IGSF10: variants seen among roughly 807,000 people sequenced by gnomAD.
IGSF10 encodes the protein immunoglobulin superfamily member 10, also known as calvaria mechanical force protein 608.
IGSF10 carries 126 observed loss-of-function variants against 128.2 expected under a neutral mutation model. That is an observed-to-expected ratio of 0.98 (90% CI 0.85 to 1.14). The LOEUF (loss-of-function observed/expected upper bound fraction) is 1.14, where lower values mean the gene tolerates loss of function less well. Ranked by LOEUF, IGSF10 falls within the 50% of genes most tolerant of loss-of-function variation. The pLI, the probability that IGSF10 is intolerant of heterozygous loss-of-function variation, is 0.00. For missense variants in IGSF10, 3,295 were observed against 3,149.8 expected (o/e 1.05, Z -1.10); for synonymous variants, 1,185 against 1,146.2 (o/e 1.03, Z -0.68).
chr3:151,521,671 A>C, the IGSF10 span, among the ~76,000 whole-genome samples: 9 of 152,200 alleles, frequency 5.9e-5, no homozygotes, highest in Admixed American at 3.9e-4. Flanking sequence ...AATAAGAACA[A>C]AGATACAACA....
At chr3:151,546,451 G>T in the IGSF10 span, among the ~76,000 whole-genome samples, 1 of 151,882 alleles carries the variant, frequency 6.6e-6, no homozygotes, top group Non-Finnish European at 1.5e-5. Flanking sequence ...GGGCTCAAGC[G>T]ATCCTCCCAC....
At chr3:151,570,128 C>A in the IGSF10 span, among the ~76,000 whole-genome samples, 1 of 152,172 alleles carries the variant, frequency 6.6e-6, no homozygotes, top group Non-Finnish European at 1.5e-5. Flanking sequence ...TTAATCCAGT[C>A]TATCATTGTT....
At chr3:151,526,936 G>A in the IGSF10 span, among the ~76,000 whole-genome samples, 1 of 152,156 alleles carries the variant, frequency 6.6e-6, no homozygotes. Context: ...GTACATATGT[G>A]AAGGAGAAGT....
the IGSF10 span, among the ~76,000 whole-genome samples, chr3:151,487,077 C>T: frequency 6.6e-6 from 1 of 151,064 alleles, no homozygotes; most frequent in South Asian, 2.1e-4. Context: ...ACAAAATAGC[C>T]TGCTAGCCAG....
At chr3:151,568,449 C>G in the IGSF10 span, among the ~76,000 whole-genome samples, 1 of 152,144 alleles carries the variant, frequency 6.6e-6, no homozygotes, top group African/African-American at 2.4e-5. Context: ...GTCTGGGACA[C>G]TACTAGATAG....
the IGSF10 span, among the ~76,000 whole-genome samples, chr3:151,560,326 T>A: frequency 6.6e-6 from 1 of 152,056 alleles, no homozygotes; most frequent in Non-Finnish European, 1.5e-5. Flanking sequence ...CATTTCCTCC[T>A]CTCACACTCC....
chr3:151,443,854 C>A lies in IGSF10; in HGVS notation c.5093G>T (p.Ser1698Ile), dbSNP rs749229379. 1.9e-6 allele frequency: 3 copies of A among 1,609,722 alleles called. No homozygotes were observed. The highest frequency in any genetic ancestry group is 2.5e-6 in the Non-Finnish European group (3 of 1,176,866). The part of the protein sequence containing the change: ...GLDLSKRKQN[S>I]RVQVLPNGTL... ...ACCATTGGGGAGAACCTGGACCCTG[C>A]TATTCTGTTTCCTCTTAGATAAATC... The change falls in exon 7 of 8, where the codon AGC becomes ATC. Residue 1698 changes from serine to isoleucine, a missense_variant. Transcript: ENST00000282466.
At chr3:151,440,886 G>A (rs970915759) in intron 7 of IGSF10, 2 of 209,362 alleles carry the variant, frequency 9.6e-6, no homozygotes, top group African/African-American at 4.5e-5. Flanking sequence ...CATGGGTCGA[G>A]TTTAAGATGC....
the IGSF10 span, among the ~76,000 whole-genome samples, chr3:151,471,748 GA>G: frequency 1.3e-5 from 2 of 152,156 alleles, no homozygotes; most frequent in Admixed American, 1.3e-4. Flanking sequence ...TGTTAAGATT[GA>G]AGCTCATACT....
chr3:151,432,949 A>G, downstream of IGSF10: 1 of 630,860 alleles, frequency 1.6e-6, no homozygotes, highest in South Asian at 2.5e-5. Flanking sequence ...CACAAAAAAA[A>G]AAAAAGGTGT....
Position 151,458,623 on chromosome 3 carries a change from A to G in IGSF10, c.87T>C (p.Cys29=). The G allele has an allele frequency of 6.2e-7, 1 of 1,614,184 alleles. No homozygotes were observed. The highest frequency in any genetic ancestry group is 8.5e-7 in the Non-Finnish European group (1 of 1,180,006). Residue 29 remains cysteine (C), a synonymous_variant, in exon 3 of 8, where the codon TGT becomes TGC. Transcript: ENST00000282466. The part of the protein sequence containing the change: ...CLVATPGGKA[C]PRRCACYMPT... ...GCATATAACAGGCACAGCGGCGAGG[A>G]CAGGCCTTGCCCCCAGGGGTGGCGA...
Position 151,443,264 on chromosome 3 carries a change from A to T in IGSF10, c.5683T>A (p.Phe1895Ile). 1.2e-6 allele frequency: 2 copies of T among 1,611,780 alleles called. No homozygotes were observed. Among genetic ancestry groups the T allele is most frequent in the Non-Finnish European group, 1.7e-6 (2 of 1,178,618 alleles). ...TACAAAGTCCCATTTGAAAATAAGA[A>T]CAACTTGGAATTGGTAAACTGTAAT... ...KPLQFTNSKLFLFSNGTLYIR... is the reference protein window; with the variant it reads ...KPLQFTNSKLILFSNGTLYIR... The change falls in exon 7 of 8, where the codon TTC becomes ATC. Residue 1895 changes from phenylalanine (F) to isoleucine (I), a missense_variant. Transcript: ENST00000282466.
At chr3:151,434,576 CCT>C (rs1331076294), downstream of IGSF10, 1 of 152,084 alleles carries the variant, frequency 6.6e-6, no homozygotes, top group Admixed American at 6.5e-5. Context: ...CAGATTTTTT[CCT>C]CTCAAGAAAC....
the IGSF10 span, among the ~76,000 whole-genome samples, chr3:151,527,501 ATTACC>A: frequency 1.3e-5 from 2 of 152,170 alleles, no homozygotes; most frequent in African/African-American, 4.8e-5. Flanking sequence ...TAACTTTTGT[ATTACC>A]TTACATGTTA....
At chr3:151,501,607 T>C in the IGSF10 span, among the ~76,000 whole-genome samples, 1 of 152,044 alleles carries the variant, frequency 6.6e-6, no homozygotes, top group Non-Finnish European at 1.5e-5. Flanking sequence ...GGCTCCTTAG[T>C]TTGAGAAATG....
the IGSF10 span, among the ~76,000 whole-genome samples, chr3:151,594,765 A>C: frequency 2.0e-5 from 3 of 152,002 alleles, no homozygotes; most frequent in African/African-American, 7.2e-5. Flanking sequence ...AATAGCTAAA[A>C]GAGAAGATTT....
intron 7 of IGSF10, chr3:151,440,702 AAAT>A (rs1720801264): frequency 2.1e-5 from 8 of 389,570 alleles, no homozygotes; most frequent in Non-Finnish European, 3.7e-5. Flanking sequence ...GTGGAGTTTA[AAAT>A]AATAATGATG....
Position 151,446,204 on chromosome 3 carries a change from C to G in IGSF10, c.3777G>C (p.Val1259=), listed in dbSNP as rs762980732. 1 of 1,613,828 alleles carries G rather than the reference C, an allele frequency of 6.2e-7. No homozygotes were observed. The highest frequency in any genetic ancestry group is 8.5e-7 in the Non-Finnish European group (1 of 1,179,796). The change falls in exon 6 of 8, where the codon GTG becomes GTC. Residue 1259 remains valine (V), a synonymous_variant. Coordinates refer to ENST00000282466, the MANE Select transcript of IGSF10 (RefSeq NM_178822.5). ...TCAAGGTATTAGATGGAATTTGCAT[C>G]ACACTTGTTGAAAGTGTGGTGAAAT... ...PFHFTTLSTS[V]MQIPSNTLTT... is the part of the protein sequence containing the mutation.
the IGSF10 span, among the ~76,000 whole-genome samples, chr3:151,614,330 C>T: frequency 6.6e-5 from 10 of 152,210 alleles, no homozygotes; most frequent in African/African-American, 2.4e-4. Flanking sequence ...GGTATATACC[C>T]AAAGGACTAT....
Sources: gnomAD v4.1 joint callset for allele counts (sites outside exome capture counted in the v4.1 genomes callset) on GRCh38, gnomAD v4.1.1 for gene constraint, MANE v1.5 for transcripts, NCBI Gene and HGNC (gene_info 2026-07-23, HGNC 2026-07-21) for gene names.